The following CDH26 variants were observed in gnomAD, a reference collection of about 807,000 sequenced individuals.
CDH26 encodes the protein cadherin-like protein 26.
In CDH26, 83 loss-of-function variants were observed where a neutral mutation model predicts 90.3. The observed-to-expected ratio is 0.92, with a 90% CI of 0.77 to 1.10. The LOEUF is 1.10. CDH26 is among the 50% of genes least tolerant of loss of function. The pLI is 0.00. For synonymous variants in CDH26, 397 were observed against 396.3 expected, an observed-to-expected ratio of 1.00 and a Z score of -0.02; for missense variants, 1,013 against 1,037.6, an observed-to-expected ratio of 0.98 and a Z score of 0.33.
chr20:59,959,193 C>T (rs77136503), intron 1 of CDH26, among the ~76,000 whole-genome samples: 2,953 of 152,210 alleles, frequency 0.019, 41 homozygotes, highest in Middle Eastern at 0.041. Context: ...TTTAACCTCC[C>T]AGGCTCAGGT....
intron 13 of CDH26, among the ~76,000 whole-genome samples, chr20:59,998,105 A>G (rs768298241): frequency 5.9e-5 from 9 of 152,264 alleles, no homozygotes; most frequent in South Asian, 4.1e-4. Context: ...TTTGTTGTGT[A>G]ATTTTAAGAA....
At chr20:59,962,936 A>T (rs1292994878) in intron 1 of CDH26, among the ~76,000 whole-genome samples, 1 of 152,226 alleles carries the variant, frequency 6.6e-6, no homozygotes, top group East Asian at 1.9e-4. Flanking sequence ...CTATGCTATC[A>T]GTCTGGGACA....
intron 3 of CDH26, 28 bp downstream of exon 3, chr20:59,970,214 C>G: frequency 6.2e-7 from 1 of 1,607,148 alleles, no homozygotes; most frequent in South Asian, 1.1e-5. Context: ...AAGGAATGAC[C>G]CCATCATGCC....
chr20:60,028,391 G>A (rs1005859426), intron 7 of CDH26, among the ~76,000 whole-genome samples: 1 of 152,266 alleles, frequency 6.6e-6, no homozygotes, highest in Non-Finnish European at 1.5e-5. Flanking sequence ...CTCCTTGAGG[G>A]AAGGAACTGG....
At chr20:60,017,502 T>C (rs2061915769), downstream of CDH26, among the ~76,000 whole-genome samples, 1 of 152,086 alleles carries the variant, frequency 6.6e-6, no homozygotes, top group South Asian at 2.1e-4. Flanking sequence ...TTCTCTTGTT[T>C]TCTTAGTCTA....
chr20:59,963,762 A>C (rs1460103891), intron 1 of CDH26, among the ~76,000 whole-genome samples: 1 of 152,082 alleles, frequency 6.6e-6, no homozygotes, highest in African/African-American at 2.4e-5. Context: ...GATTAAAAGA[A>C]TCTCTAGAGG....
intron 7 of CDH26, among the ~76,000 whole-genome samples, chr20:60,027,017 A>G (rs1227402402): frequency 6.6e-6 from 1 of 152,136 alleles, no homozygotes; most frequent in Non-Finnish European, 1.5e-5. Context: ...AGAAGACACG[A>G]GGGGCCACAG....
At chr20:60,024,554 A>G (rs377228279) in intron 7 of CDH26, among the ~76,000 whole-genome samples, 7 of 152,334 alleles carry the variant, frequency 4.6e-5, no homozygotes, top group African/African-American at 1.4e-4. Context: ...ATCCTCATTC[A>G]TATCTCAGAG....
At chr20:60,026,390 T>TAGAGAGAGAG (rs60922926) in intron 7 of CDH26, among the ~76,000 whole-genome samples, 6,111 of 139,202 alleles carry the variant, frequency 0.044, 188 homozygotes, top group Non-Finnish European at 0.064. Flanking sequence ...TGGCTGGAGT[T>TAGAGAGAGAG]AGAGAGAGAG....
chr20:60,026,441 A>C (rs2061998831), intron 7 of CDH26, among the ~76,000 whole-genome samples: 1 of 150,540 alleles, frequency 6.6e-6, no homozygotes, highest in Non-Finnish European at 1.5e-5. Context: ...AAGAGGAGGC[A>C]GAAGGGAGGT....
intron 8 of CDH26, among the ~76,000 whole-genome samples, chr20:60,032,547 A>G (rs195028): frequency 0.14 from 21,464 of 152,112 alleles, 1,791 homozygotes; most frequent in African/African-American, 0.22. Context: ...ACACATGCAC[A>G]CGTATGTTTA....
At position 59,965,222 on chromosome 20, in the gene CDH26, C is replaced by T. The variant is rs568392577; in HGVS notation, c.70-3745C>T. Among the ~76,000 whole-genome samples the T allele has an allele frequency of 3.9e-5, 6 of 152,256 alleles. No individual in the cohort carries two copies. The East Asian group carries it at 1.2e-3, about 29-fold the overall frequency. ...CAATACAACCCAATAACATCACCCA[C>T]CCACCACCCACCATGGCCTCTTGTA... On this transcript the variant is annotated intron_variant, in intron 1 of 17. Coordinates refer to ENST00000348616, the MANE Select transcript of CDH26 (RefSeq NM_177980.4).
chr20:59,989,360 C>T (rs2061499240), intron 9 of CDH26, among the ~76,000 whole-genome samples, 197 bp downstream of exon 9: 1 of 151,530 alleles, frequency 6.6e-6, no homozygotes. Context: ...AACCCCGTCT[C>T]TACTAAAAAT....
intron 4 of CDH26, among the ~76,000 whole-genome samples, chr20:59,974,112 A>G (rs2061298471): frequency 1.3e-5 from 2 of 152,108 alleles, no homozygotes; most frequent in Admixed American, 1.3e-4. Context: ...ATGGTATCTC[A>G]TTGTGGTTTT....
intron 8 of CDH26, among the ~76,000 whole-genome samples, chr20:60,032,831 C>T (rs1012692360): frequency 3.2e-5 from 4 of 124,222 alleles, no homozygotes; most frequent in Admixed American, 1.1e-4. Flanking sequence ...GGGAATATCA[C>T]ACTCTGGGGA....
intron 9 of CDH26, among the ~76,000 whole-genome samples, chr20:59,991,710 G>T (rs1230099416): frequency 6.6e-6 from 1 of 152,184 alleles, no homozygotes; most frequent in African/African-American, 2.4e-5. Context: ...CACCTTTCTG[G>T]GACCTGCACT....
In CDH26 at chr20:59,969,008, T is replaced by C. The variant is rs2061213668; in HGVS notation, c.111T>C (p.Leu37=). 1.3e-6 allele frequency: 2 copies of C among 1,593,560 alleles called. No individual in the cohort carries two copies. The highest frequency in any genetic ancestry group is 8.6e-7 in the Non-Finnish European group (1 of 1,162,336). ...IDSVQQETDD[L]TKQTKEKIYQ... ...GTGTTCAACAGGAAACAGATGATCT[T>C]ACTAAGCAAACAAAGGTGAGGTTTG... Residue 37 remains leucine, a synonymous_variant, in exon 2 of 18, where the codon CTT becomes CTC. Transcript: ENST00000348616.
chr20:59,987,648 T>C lies in CDH26; in HGVS notation c.1023+10T>C, dbSNP rs1342679057. 3 of 1,596,584 alleles carry C rather than the reference T, an allele frequency of 1.9e-6. No individual in the cohort carries two copies. Among genetic ancestry groups the C allele is most frequent in the Non-Finnish European group, 2.6e-6 (3 of 1,170,504 alleles). On this transcript the variant is annotated intron_variant, in intron 8 of 17. Transcript: ENST00000348616. ...ATTAAATGTTATCAAGGTAACACCA[T>C]ACCGGTGACATACCAACCAGTTAGT...
chr20:60,027,967 A>G (rs927282467), intron 7 of CDH26, among the ~76,000 whole-genome samples: 8 of 152,260 alleles, frequency 5.3e-5, no homozygotes, highest in African/African-American at 1.9e-4. Flanking sequence ...TCAGGGTAAC[A>G]TCTGACCAGA....
Sources: gnomAD v4.1 joint callset for allele counts (sites outside exome capture counted in the v4.1 genomes callset) on GRCh38, gnomAD v4.1.1 for gene constraint, MANE v1.5 for transcripts, NCBI Gene and HGNC (gene_info 2026-07-23, HGNC 2026-07-21) for gene names.